The following RBM26 variants were observed in gnomAD, a reference collection of about 807,000 sequenced individuals.
The protein encoded by RBM26 is RNA binding motif protein 26, also known as RNA-binding protein 26.
A neutral mutation model predicts 123.6 loss-of-function variants in RBM26; 30 were observed. The ratio of observed to expected loss-of-function variants is 0.24; its 90% CI spans 0.18 to 0.33. RBM26 has a LOEUF of 0.33. RBM26 is among the 10% of genes least tolerant of loss of function. The probability of loss-of-function intolerance (pLI) is 1.00; values close to 1 mark genes in which losing one functional copy is unlikely to be tolerated. For synonymous variants in RBM26, 400 were observed against 404.4 expected (o/e 0.99, Z 0.13); for missense variants, 947 against 1,203.6 (o/e 0.79, Z 3.15).
At chr13:79,400,017 A>C (rs2078929342) in intron 1 of RBM26, among the ~76,000 whole-genome samples, 1 of 152,190 alleles carries the variant, frequency 6.6e-6, no homozygotes, top group Non-Finnish European at 1.5e-5. Context: ...ATAAATGCAG[A>C]GTAGAGGTTC....
At chr13:79,370,015 T>C (rs147730252) in intron 5 of RBM26, among the ~76,000 whole-genome samples, 40 of 152,274 alleles carry the variant, frequency 2.6e-4, no homozygotes, top group African/African-American at 9.6e-4. Flanking sequence ...TTAGTTTGCA[T>C]TTTTAAAAAC....
At chr13:79,371,752 G>T in intron 4 of RBM26, 90 bp downstream of exon 4, 1 of 846,176 alleles carries the variant, frequency 1.2e-6, no homozygotes, top group Non-Finnish European at 2.0e-6. Flanking sequence ...GATATTACTT[G>T]CCTCTGCGTA....
intron 20 of RBM26, among the ~76,000 whole-genome samples, chr13:79,328,211 G>C (rs1358980327): frequency 6.6e-6 from 1 of 152,080 alleles, no homozygotes; most frequent in Non-Finnish European, 1.5e-5. Flanking sequence ...AATTGGGTGT[G>C]AGAGGGAATC....
At chr13:79,366,935 G>T in intron 6 of RBM26, 63 bp from the exon 7 acceptor site, 2 of 1,325,110 alleles carry the variant, frequency 1.5e-6, no homozygotes, top group Non-Finnish European at 2.0e-6. Flanking sequence ...TTTTCTCTAA[G>T]TTAGCAAAAG....
At chr13:79,334,511 A>G in intron 19 of RBM26, 81 bp from the exon 20 acceptor site, 1 of 657,394 alleles carries the variant, frequency 1.5e-6, no homozygotes, top group Non-Finnish European at 2.6e-6. Flanking sequence ...AAAAACATTA[A>G]AATACTAATA....
rs78114340 is a variant in RBM26 at position 79,324,876 on chromosome 13, C to T, written c.2821-2414G>A. On this transcript the variant is annotated intron_variant, in intron 20 of 21. Coordinates refer to ENST00000438737, the MANE Select transcript of RBM26 (RefSeq NM_001366735.2). ...CCAAATAGCTAGTCAATTGCCCCAACATCATTTACTGAATAACTTGTTTTA... is the reference window on the plus strand; with the variant it reads ...CCAAATAGCTAGTCAATTGCCCCAATATCATTTACTGAATAACTTGTTTTA... 1.3e-3 allele frequency among the ~76,000 whole-genome samples: 197 copies of T among 152,076 alleles called. 1 individual carries two copies. Among genetic ancestry groups the T allele is most frequent in the African/African-American group, 4.6e-3 (189 of 41,502 alleles).
intron 5 of RBM26, 101 bp downstream of exon 5, chr13:79,370,844 T>C (rs2075808870): frequency 4.8e-6 from 6 of 1,251,724 alleles, no homozygotes; most frequent in Non-Finnish European, 5.6e-6. Context: ...TACATCATAA[T>C]AGAAAAAAAT....
chr13:79,353,372 CAGAA>C (rs1251670993), intron 13 of RBM26, 148 bp from the exon 14 acceptor site: 2 of 428,934 alleles, frequency 4.7e-6, no homozygotes, highest in Non-Finnish European at 8.2e-6. Context: ...TTAAAAGAGA[CAGAA>C]AGAAAATATG....
Position 79,358,417 on chromosome 13 carries a change from T to C in RBM26, c.1546A>G (p.Thr516Ala), listed in dbSNP as rs757535226. The change falls in exon 11 of 22, where the codon ACA (threonine) becomes GCA (alanine). Residue 516 changes from threonine to alanine, a missense_variant. By Grantham distance (58) the Thr-to-Ala change is moderately conservative. Around this residue, in one of 5 missense-constraint regions of RBM26, gnomAD observed 493 missense variants for 563.1 expected, o/e 0.88. Coordinates refer to ENST00000438737, the MANE Select transcript of RBM26 (RefSeq NM_001366735.2). ...TWFDKPNFNR[T>A]NSPGFQKKVQ... ...TTCTTCTGAAAGCCTGGGCTGTTTG[T>C]TCTATTAAAATTTGGTCTGCAAACA... 13 of 1,609,150 alleles carry C rather than the reference T, an allele frequency of 8.1e-6. No individual in the cohort carries two copies. The highest frequency in any genetic ancestry group is 2.7e-5 in the African/African-American group (2 of 74,686).
At chr13:79,384,734 A>G (rs959082406) in intron 1 of RBM26, among the ~76,000 whole-genome samples, 3 of 152,210 alleles carry the variant, frequency 2.0e-5, no homozygotes, top group Admixed American at 1.3e-4. Context: ...ATCAAATGTT[A>G]TAATAAAATA....
intron 1 of RBM26, among the ~76,000 whole-genome samples, chr13:79,399,317 A>G (rs1370259138): frequency 2.0e-5 from 3 of 152,234 alleles, no homozygotes; most frequent in Non-Finnish European, 2.9e-5. Flanking sequence ...AAGTATGCTA[A>G]TTCATCTTCC....
chr13:79,320,147 C>T lies in RBM26; in HGVS notation c.*474G>A. ...AGGCTAATACATAGTAAAGCCTAAG[C>T]ATACTACTATGTAATATTATAATAC... On this transcript the variant is annotated 3_prime_UTR_variant, in exon 22 of 22. Coordinates refer to ENST00000438737, the MANE Select transcript of RBM26 (RefSeq NM_001366735.2). 1 of 954,384 alleles carries T rather than the reference C, an allele frequency of 1.0e-6. No homozygotes were observed. Among genetic ancestry groups the T allele is most frequent in the African/African-American group, 1.8e-5 (1 of 56,460 alleles). The allele number at this position is 954,384 out of a possible 1,614,324, so 59.1% of individuals were successfully genotyped here. A position where few individuals can be genotyped will look rare whatever the true frequency, so the allele number is the denominator to read the frequency against.
chr13:79,338,262 C>T (rs756184429), intron 18 of RBM26, among the ~76,000 whole-genome samples: 4 of 152,148 alleles, frequency 2.6e-5, no homozygotes, highest in Non-Finnish European at 5.9e-5. Context: ...TGAGAAGTGA[C>T]TCAAAACGTG....
At chr13:79,356,377 AAAAAAAACAAAC>A (rs538798875) in intron 11 of RBM26, among the ~76,000 whole-genome samples, 41,860 of 116,938 alleles carry the variant, frequency 0.36, 6,795 homozygotes, top group Middle Eastern at 0.51. Flanking sequence ...CTCAAAAAAA[AAAAAAAACAAAC>A]AAAAAAAAAC....
Position 79,319,223 on chromosome 13 carries a change from G to C in RBM26, c.*1398C>G, listed in dbSNP as rs1302148789. On this transcript the variant is annotated 3_prime_UTR_variant, in exon 22 of 22. Transcript: ENST00000438737. ...TGGTGGTGGTGGAACAACAGCTTTT[G>C]ATTGTGAGGACCCCAATATGGAAGA... is the stretch of plus-strand genomic sequence containing the variant. 11 of 984,202 alleles carry C rather than the reference G, an allele frequency of 1.1e-5. No homozygotes were observed. The highest frequency in any genetic ancestry group is 1.3e-5 in the Non-Finnish European group (11 of 829,152). The allele number at this position is 984,202 out of a possible 1,614,324, so 61.0% of individuals were successfully genotyped here.
In RBM26 at chr13:79,371,852, T is replaced by C; in HGVS notation, c.406A>G (p.Arg136Gly). 1 of 1,605,434 alleles carries C rather than the reference T, an allele frequency of 6.2e-7. No homozygotes were observed. The highest frequency in any genetic ancestry group is 8.5e-7 in the Non-Finnish European group (1 of 1,172,278). ...HSPPQSSSRY[R>G]ENRSRDERKK... ...CAATGAACTGCTCACCTATTTTCCCTGTATCGGGAGCTTGACTGGGGAGGA... is the reference window on the plus strand; with the variant it reads ...CAATGAACTGCTCACCTATTTTCCCCGTATCGGGAGCTTGACTGGGGAGGA... Residue 136 changes from arginine to glycine, a missense_variant, in exon 4 of 22, where the codon AGG becomes GGG. By Grantham distance (125) the Arg-to-Gly change is moderately radical. Around this residue, in one of 5 missense-constraint regions of RBM26, gnomAD observed 275 missense variants for 361.0 expected, o/e 0.76. Transcript: ENST00000438737.
chr13:79,338,666 AAG>A (rs1218934164), intron 18 of RBM26, among the ~76,000 whole-genome samples: 1 of 152,202 alleles, frequency 6.6e-6, no homozygotes, highest in Non-Finnish European at 1.5e-5. Flanking sequence ...TAAGCAGTAA[AAG>A]AGTGATGTAA....
intron 1 of RBM26, among the ~76,000 whole-genome samples, chr13:79,405,119 C>T (rs966653386): frequency 2.0e-5 from 3 of 152,210 alleles, no homozygotes; most frequent in African/African-American, 7.2e-5. Flanking sequence ...CTAAATATTC[C>T]ATATGGATGA....
chr13:79,321,722 A>T (rs1187325646), intron 21 of RBM26, among the ~76,000 whole-genome samples: 1 of 151,438 alleles, frequency 6.6e-6, no homozygotes, highest in Non-Finnish European at 1.5e-5. Flanking sequence ...CTTAGGGCCC[A>T]GTTCCACTAT....
Sources: gnomAD v4.1 joint callset for allele counts (sites outside exome capture counted in the v4.1 genomes callset) on GRCh38, gnomAD v4.1.1 for gene constraint, gnomAD v4.1.1 regional missense constraint, MANE v1.5 for transcripts, NCBI Gene and HGNC (gene_info 2026-07-23, HGNC 2026-07-21) for gene names.